The following CD63 variants were observed in gnomAD, a reference collection of about 807,000 sequenced individuals.
CD63 encodes the protein CD63 antigen.
A neutral mutation model predicts 29.2 loss-of-function variants in CD63; 16 were observed. That is an observed-to-expected ratio of 0.55 (90% confidence interval 0.37 to 0.83). The LOEUF (loss-of-function observed/expected upper bound fraction) is 0.83, where lower values mean the gene tolerates loss of function less well. Ranked by LOEUF, CD63 falls within the 40% of genes least tolerant of loss-of-function variation. CD63 has a pLI of 0.00. For synonymous variants in CD63, 118 were observed against 111.7 expected (o/e 1.06, Z -0.36); for missense variants, 251 against 297.3 (o/e 0.84, Z 1.15).
downstream of CD63, chr12:55,723,848 G>T: frequency 6.2e-7 from 1 of 1,609,608 alleles, no homozygotes; most frequent in Non-Finnish European, 8.5e-7. Context: ...CTCCCTATAG[G>T]GCAAGAACCC....
rs748345489 is a variant in CD63, at chr12:55,726,933, A to G, written c.287T>C (p.Val96Ala). 6.2e-7 allele frequency: 1 copy of G among 1,614,100 alleles called. No individual in the cohort carries two copies. Among genetic ancestry groups the G allele is most frequent in the Admixed American group, 1.7e-5 (1 of 60,018 alleles). The change falls in exon 4 of 8, where the codon GTG (valine) becomes GCG (alanine). Residue 96 changes from valine (V) to alanine (A), a missense_variant. Transcript: ENST00000257857. ...FAIFLSLIML[V>A]EVAAAIAGYV... is the part of the protein sequence containing the mutation. ...GCCAGCAATGGCTGCGGCCACCTCC[A>G]CCAACATGATAAGAGACAGAAAGAT...
downstream of CD63, chr12:55,725,257 A>G: frequency 2.3e-6 from 1 of 440,726 alleles, no homozygotes; most frequent in Non-Finnish European, 4.2e-6. Flanking sequence ...TGAGCCTGGC[A>G]GCATAAGACT....
At chr12:55,729,733 C>T (rs1877789673), upstream of CD63, 1 of 152,342 alleles carries the variant, frequency 6.6e-6, no homozygotes, top group South Asian at 2.1e-4. Flanking sequence ...AAGACACGTC[C>T]GCGTCGGGTC....
Position 55,726,733 on chromosome 12 carries a change from G to A in CD63, c.393C>T (p.His131=), listed in dbSNP as rs754669103. 9.9e-6 allele frequency: 16 copies of A among 1,613,986 alleles called. No homozygotes were observed. In the Admixed American group the frequency reaches 1.5e-4, roughly 15 times the overall value. Residue 131 remains histidine, a synonymous_variant, in exon 5 of 8, where the codon CAC becomes CAT. Transcript: ENST00000257857. ...GCATCCTGTCCAGGATCGAAGCAGT[G>A]TGGTTGTTTTTCGGGTAATTCTCCA... The part of the protein sequence containing the change: ...QQMENYPKNN[H]TASILDRMQA...
At chr12:55,724,358 G>A (rs1467854437), downstream of CD63, 1 of 1,614,224 alleles carries the variant, frequency 6.2e-7, no homozygotes, top group South Asian at 1.1e-5. Context: ...AACCTGATCT[G>A]TGACCCGGAC....
At chr12:55,724,056 A>G (rs2136142385), downstream of CD63, 1 of 1,607,474 alleles carries the variant, frequency 6.2e-7, no homozygotes. Context: ...AAGTGTGAGT[A>G]GCCAGGCCCA....
rs1328812821 is a variant in CD63 at position 55,728,771 on chromosome 12, A to C, written c.-12+182T>G. 2 of 970,472 alleles carry C rather than the reference A, an allele frequency of 2.1e-6. No individual in the cohort carries two copies. Among genetic ancestry groups the C allele is most frequent in the African/African-American group, 1.8e-5 (1 of 56,442 alleles). The allele number at this position is 970,472 out of a possible 1,614,324, so 60.1% of individuals were successfully genotyped here. A position where few individuals can be genotyped will look rare whatever the true frequency, so the allele number is the denominator to read the frequency against. ...CTCCCCGCCCACCAAAAAAAAAAAAAGTGCAGCCAGCACCCCCGCCACACC... is the reference window on the plus strand; with the variant it reads ...CTCCCCGCCCACCAAAAAAAAAAAACGTGCAGCCAGCACCCCCGCCACACC... On this transcript the variant is annotated intron_variant, in intron 1 of 7. Coordinates refer to ENST00000257857, the MANE Select transcript of CD63 (RefSeq NM_001780.6). The surrounding 1 kb of genome is among the most constrained non-coding windows in gnomAD (Gnocchi z 4.8).
intron 3 of CD63, 57 bp downstream of exon 3, chr12:55,727,094 G>T (rs1037925991): frequency 7.6e-7 from 1 of 1,317,810 alleles, no homozygotes; most frequent in Non-Finnish European, 1.1e-6. Flanking sequence ...TCCTGAGCCC[G>T]AACCAAGCTG....
At chr12:55,724,005 C>T (rs781626721), downstream of CD63, 27 of 1,613,184 alleles carry the variant, frequency 1.7e-5, no homozygotes, top group East Asian at 2.2e-5. Flanking sequence ...GCACGGCTGC[C>T]TCCTGCCACA....
downstream of CD63, chr12:55,724,648 A>G (rs183719917): frequency 9.6e-7 from 1 of 1,044,644 alleles, no homozygotes; most frequent in East Asian, 2.5e-5. Context: ...ATAAGCACTA[A>G]CAAAAGTGTA....
downstream of CD63, among the ~76,000 whole-genome samples, chr12:55,725,041 C>T (rs549490064): frequency 6.6e-6 from 1 of 152,270 alleles, no homozygotes; most frequent in African/African-American, 2.4e-5. Flanking sequence ...AGGACACTGA[C>T]CACACAGGTG....
Position 55,725,339 on chromosome 12 carries a change from A to G in CD63, c.*222T>C. On this transcript the variant is annotated 3_prime_UTR_variant, in exon 8 of 8. Coordinates refer to ENST00000257857, the MANE Select transcript of CD63 (RefSeq NM_001780.6). ...GCCTGCCCAACCAACACCTTCGCAAAGTCCTCCTTTCCCAAACACCCCCCA... is the reference window on the plus strand; with the variant it reads ...GCCTGCCCAACCAACACCTTCGCAAGGTCCTCCTTTCCCAAACACCCCCCA... 1 of 579,234 alleles carries G rather than the reference A, an allele frequency of 1.7e-6. No homozygotes were observed. 35.9% of individuals were successfully genotyped at this position (579,234 alleles called of 1,614,324 possible).
downstream of CD63, chr12:55,724,795 A>G: frequency 1.8e-6 from 1 of 566,986 alleles, no homozygotes. Flanking sequence ...TAGCACCCAC[A>G]GTGGGGCGCC....
chr12:55,725,654 G>C (rs1877230289), intron 7 of CD63, 28 bp from the exon 8 acceptor site: 2 of 1,608,968 alleles, frequency 1.2e-6, no homozygotes, highest in South Asian at 2.2e-5. Context: ...GACAGGGGTG[G>C]AGAGGAGTCA....
intron 5 of CD63, 131 bp from the exon 6 acceptor site, chr12:55,726,392 T>C: frequency 8.4e-6 from 7 of 832,902 alleles, no homozygotes; most frequent in Non-Finnish European, 1.2e-5. Context: ...CCCAGACAAG[T>C]GCCCAGCGGT....
At chr12:55,727,744 CAGG>C in intron 2 of CD63, 2 of 1,033,408 alleles carry the variant, frequency 1.9e-6, no homozygotes, top group East Asian at 9.0e-5. Flanking sequence ...CCAGTTAGGC[CAGG>C]AGAAGGGAAG....
rs1877675404 is a variant in CD63 at position 55,728,532 on chromosome 12, G to A, written c.-11-180C>T. ...CCTCTTTACCCGCAGGAGAGGGGTG[G>A]GGGCGACGGCCGCGAAGCCCGGACC... On this transcript the variant is annotated intron_variant, in intron 1 of 7. Coordinates refer to ENST00000257857, the MANE Select transcript of CD63 (RefSeq NM_001780.6). The surrounding 1 kb of genome is among the most constrained non-coding windows in gnomAD (Gnocchi z 4.8). 8.3e-6 allele frequency: 12 copies of A among 1,440,370 alleles called. No homozygotes were observed. Among genetic ancestry groups the A allele is most frequent in the South Asian group, 4.4e-5 (3 of 68,514 alleles). The allele number at this position is 1,440,370 out of a possible 1,614,324, so 89.2% of individuals were successfully genotyped here.
At chr12:55,724,393 GAGC>G (rs1371673430), downstream of CD63, 2 of 1,614,202 alleles carry the variant, frequency 1.2e-6, no homozygotes. Context: ...CCGATGCCTG[GAGC>G]ATGCCCTGAC....
At chr12:55,726,041 T>C in intron 6 of CD63, 80 bp downstream of exon 6, 3 of 1,497,298 alleles carry the variant, frequency 2.0e-6, no homozygotes, top group Non-Finnish European at 2.7e-6. Flanking sequence ...TCCCTGACCC[T>C]GTCCACCTCC....
Sources: gnomAD v4.1 joint callset for allele counts (sites outside exome capture counted in the v4.1 genomes callset) on GRCh38, gnomAD v4.1.1 for gene constraint, Gnocchi (gnomAD v3.1) non-coding constraint, MANE v1.5 for transcripts, NCBI Gene and HGNC (gene_info 2026-07-23, HGNC 2026-07-21) for gene names.